The following NRG3 variants were observed in gnomAD, a reference collection of about 807,000 sequenced individuals.
NRG3 encodes pro-neuregulin-3, membrane-bound isoform.
In NRG3, 31 loss-of-function variants were observed where a neutral mutation model predicts 66.9. The observed-to-expected ratio is 0.46, with a 90% CI of 0.35 to 0.63. The LOEUF (loss-of-function observed/expected upper bound fraction) is 0.63. Ranked by LOEUF, NRG3 falls within the 20% of genes least tolerant of loss-of-function variation. NRG3 has a pLI of 0.00. For missense variants in NRG3, 910 were observed against 878.9 expected, an observed-to-expected ratio of 1.04 and a Z score of -0.45; for synonymous variants, 393 against 359.4, an observed-to-expected ratio of 1.09 and a Z score of -1.06.
intron 1 of NRG3, among the ~76,000 whole-genome samples, chr10:82,225,909 A>G (rs532145012): frequency 6.6e-6 from 1 of 152,290 alleles, no homozygotes; most frequent in South Asian, 2.1e-4. Context: ...TATTTCTGTC[A>G]TAATGTCATT....
intron 2 of NRG3, among the ~76,000 whole-genome samples, chr10:82,422,273 C>G (rs568191836): frequency 6.6e-6 from 1 of 152,046 alleles, no homozygotes; most frequent in East Asian, 1.9e-4. Flanking sequence ...GTAGAGAAAA[C>G]AGAGAAAAGT....
chr10:82,883,908 C>T (rs958620253), intron 4 of NRG3, among the ~76,000 whole-genome samples: 11 of 151,364 alleles, frequency 7.3e-5, no homozygotes, highest in African/African-American at 2.7e-4. Context: ...TTGTGTCTCT[C>T]TCCAGGAGAT....
chr10:82,348,240 A>G (rs1345293826), intron 1 of NRG3, among the ~76,000 whole-genome samples: 3 of 151,980 alleles, frequency 2.0e-5, no homozygotes, highest in Non-Finnish European at 2.9e-5. Context: ...GCTTCCTTCA[A>G]CAGCTCTTTT....
chr10:82,346,939 A>G (rs1403128256), intron 1 of NRG3, among the ~76,000 whole-genome samples: 1 of 151,814 alleles, frequency 6.6e-6, no homozygotes, highest in Non-Finnish European at 1.5e-5. Flanking sequence ...TATTGCGTCT[A>G]TTTGATTCTT....
chr10:82,377,555 C>T (rs1005613535), intron 2 of NRG3, among the ~76,000 whole-genome samples: 1 of 152,050 alleles, frequency 6.6e-6, no homozygotes, highest in Admixed American at 6.6e-5. Context: ...GACTCTAAAC[C>T]GTGTCCTTCC....
At chr10:82,249,260 C>T (rs1052600084) in intron 1 of NRG3, among the ~76,000 whole-genome samples, 3 of 152,180 alleles carry the variant, frequency 2.0e-5, no homozygotes, top group African/African-American at 7.2e-5. Flanking sequence ...ACATTACATC[C>T]AGTAGACAGA....
chr10:82,177,150 T>C (rs1013071685), intron 1 of NRG3, among the ~76,000 whole-genome samples: 2 of 152,104 alleles, frequency 1.3e-5, no homozygotes, highest in African/African-American at 4.8e-5. Flanking sequence ...GTTTGCTATG[T>C]TTATATTACT....
intron 3 of NRG3, among the ~76,000 whole-genome samples, chr10:82,846,248 G>T (rs116480290): frequency 2.1e-3 from 327 of 152,174 alleles, no homozygotes; most frequent in African/African-American, 7.3e-3. Flanking sequence ...TTTTGGCTAC[G>T]AGAGAAAAAG....
intron 1 of NRG3, among the ~76,000 whole-genome samples, chr10:82,038,779 T>G (rs993472156): frequency 1.3e-5 from 2 of 152,140 alleles, no homozygotes; most frequent in Non-Finnish European, 2.9e-5. Context: ...CCCTGCAGCT[T>G]GATACTTCAC....
chr10:82,751,955 A>G (rs1021008837), intron 3 of NRG3, among the ~76,000 whole-genome samples: 2 of 129,316 alleles, frequency 1.5e-5, no homozygotes, highest in Non-Finnish European at 3.0e-5. Context: ...GAGGACAAAT[A>G]TGCTGGATTT....
chr10:82,773,407 C>T (rs1189422171), intron 3 of NRG3, among the ~76,000 whole-genome samples: 1 of 152,196 alleles, frequency 6.6e-6, no homozygotes, highest in South Asian at 2.1e-4. Context: ...CTGTTTAGGT[C>T]CTTTGTCCCT....
chr10:82,227,587 G>A (rs902733283), intron 1 of NRG3, among the ~76,000 whole-genome samples: 8 of 151,946 alleles, frequency 5.3e-5, no homozygotes, highest in Non-Finnish European at 1.2e-4. Context: ...TCTGAATATT[G>A]CTTTGTCATT....
chr10:82,846,839 C>A (rs917542664), intron 3 of NRG3, among the ~76,000 whole-genome samples: 1 of 152,298 alleles, frequency 6.6e-6, no homozygotes, highest in African/African-American at 2.4e-5. Context: ...AACAGAACCA[C>A]ATAGAATATA....
rs547538646 is a variant in NRG3, at chr10:82,083,965, C to T, written c.823+207802C>T. Among the ~76,000 whole-genome samples, 107 of 151,568 alleles carry T rather than the reference C, an allele frequency of 7.1e-4. No individual in the cohort carries two copies. In the East Asian group the frequency reaches 0.014, roughly 19 times the overall value. On this transcript the variant is annotated intron_variant, in intron 1 of 8. Coordinates refer to ENST00000372141, the MANE Select transcript of NRG3 (RefSeq NM_001010848.4). ...ATTTATGGCTGGGTGTGGTGGCTCACTCCTGTAATCACAGCACTTCGGGAG... is the reference window on the plus strand; with the variant it reads ...ATTTATGGCTGGGTGTGGTGGCTCATTCCTGTAATCACAGCACTTCGGGAG...
chr10:82,018,415 C>T (rs1015760964), intron 1 of NRG3, among the ~76,000 whole-genome samples: 35 of 152,164 alleles, frequency 2.3e-4, no homozygotes, highest in Non-Finnish European at 3.4e-4. Context: ...CTTGGCGATG[C>T]GTGCTCTTTT....
intron 2 of NRG3, among the ~76,000 whole-genome samples, chr10:82,519,428 T>TCTA (rs1845989758): frequency 1.3e-5 from 2 of 152,172 alleles, no homozygotes; most frequent in African/African-American, 4.8e-5. Context: ...AATTTAGCAA[T>TCTA]GTAGGCGTTA....
At chr10:82,170,848 A>G (rs571512566) in intron 1 of NRG3, among the ~76,000 whole-genome samples, 2 of 150,910 alleles carry the variant, frequency 1.3e-5, no homozygotes, top group East Asian at 3.9e-4. Flanking sequence ...CTCACCCCCA[A>G]TTGATATTCC....
intron 1 of NRG3, among the ~76,000 whole-genome samples, chr10:81,923,445 TC>T (rs1184130560): frequency 6.6e-6 from 1 of 152,172 alleles, no homozygotes; most frequent in African/African-American, 2.4e-5. Context: ...GACCTGGTGA[TC>T]CGCCCGCCTC....
intron 1 of NRG3, among the ~76,000 whole-genome samples, chr10:82,009,287 G>T (rs2061488097): frequency 6.6e-6 from 1 of 152,152 alleles, no homozygotes; most frequent in African/African-American, 2.4e-5. Context: ...GTCTACACAA[G>T]CTAGGTTTCT....
Sources: allele counts gnomAD v4.1 joint callset (sites outside exome capture counted in the v4.1 genomes callset), GRCh38; gene constraint gnomAD v4.1.1; transcripts MANE v1.5; gene names NCBI Gene and HGNC (gene_info 2026-07-23, HGNC 2026-07-21).